The following SH3RF3 variants were observed in gnomAD, a reference collection of about 807,000 sequenced individuals.
The protein encoded by SH3RF3 is E3 ubiquitin-protein ligase SH3RF3.
SH3RF3 carries 29 observed loss-of-function variants against 66.3 expected under a neutral mutation model. The observed-to-expected ratio is 0.44, with a 90% confidence interval of 0.33 to 0.60. SH3RF3 has a LOEUF of 0.60. SH3RF3 is among the 20% of genes least tolerant of loss of function. The probability of loss-of-function intolerance (pLI) is 0.04; values close to 1 mark genes in which losing one functional copy is unlikely to be tolerated. For missense variants in SH3RF3, 1,194 were observed against 1,190.9 expected (o/e 1.00, Z -0.04); for synonymous variants, 583 against 532.0 (o/e 1.10, Z -1.32).
At chr2:109,251,264 A>G (rs1680085367) in intron 1 of SH3RF3, among the ~76,000 whole-genome samples, 1 of 152,090 alleles carries the variant, frequency 6.6e-6, no homozygotes, top group African/African-American at 2.4e-5. Flanking sequence ...CAGCCTCCCA[A>G]AGTGCTGGGA....
intron 1 of SH3RF3, among the ~76,000 whole-genome samples, chr2:109,344,530 C>T (rs1306967070): frequency 6.6e-6 from 1 of 152,206 alleles, no homozygotes; most frequent in Non-Finnish European, 1.5e-5. Flanking sequence ...GGTCATCAGG[C>T]AGACACTGAA....
intron 1 of SH3RF3, among the ~76,000 whole-genome samples, chr2:109,301,756 A>G (rs1174942832): frequency 6.6e-6 from 1 of 152,174 alleles, no homozygotes; most frequent in Non-Finnish European, 1.5e-5. Flanking sequence ...CTGGCCTTGC[A>G]CTTTCCTACC....
intron 1 of SH3RF3, among the ~76,000 whole-genome samples, chr2:109,183,362 C>A (rs1208154527): frequency 6.6e-6 from 1 of 152,144 alleles, no homozygotes; most frequent in African/African-American, 2.4e-5. Flanking sequence ...ACACAGGGAA[C>A]CAAAGAGATG....
intron 1 of SH3RF3, among the ~76,000 whole-genome samples, chr2:109,194,547 G>A (rs1467784997): frequency 6.6e-6 from 1 of 152,264 alleles, no homozygotes; most frequent in East Asian, 1.9e-4. Context: ...ACTGAAGGGC[G>A]AGGAGCACCC....
At chr2:109,437,370 C>G (rs1677434517) in intron 7 of SH3RF3, among the ~76,000 whole-genome samples, 1 of 151,132 alleles carries the variant, frequency 6.6e-6, no homozygotes, top group Admixed American at 6.6e-5. Context: ...GTAAGCACAT[C>G]TTGTCATGCT....
chr2:109,176,189 G>T lies in SH3RF3; in HGVS notation c.573+46076G>T, dbSNP rs182033236. ...GGGTAATAACCAACATACAACCAGT[G>T]GGGGAAAAGCAGACTTGTGCAATGA... On this transcript the variant is annotated intron_variant, in intron 1 of 9. Coordinates refer to ENST00000309415, the MANE Select transcript of SH3RF3 (RefSeq NM_001099289.3). 1.7e-3 allele frequency among the ~76,000 whole-genome samples: 264 copies of T among 152,248 alleles called. 1 individual carries two copies. Among genetic ancestry groups the T allele is most frequent in the African/African-American group, 6.1e-3 (253 of 41,546 alleles).
At chr2:109,212,472 TCCTGACTG>T (rs1299805179) in intron 1 of SH3RF3, among the ~76,000 whole-genome samples, 1 of 152,190 alleles carries the variant, frequency 6.6e-6, no homozygotes, top group Non-Finnish European at 1.5e-5. Flanking sequence ...TTAGCAACCA[TCCTGACTG>T]CATTGTGAGG....
intron 7 of SH3RF3, among the ~76,000 whole-genome samples, chr2:109,441,370 A>G (rs1677559258): frequency 6.6e-6 from 1 of 152,196 alleles, no homozygotes; most frequent in Non-Finnish European, 1.5e-5. Context: ...CCCAAATCAC[A>G]CTTCTAGAAA....
At position 109,314,902 on chromosome 2, in the gene SH3RF3, C is replaced by T. The variant is rs138390487; in HGVS notation, c.574-32772C>T. 7.0e-4 allele frequency among the ~76,000 whole-genome samples: 106 copies of T among 152,296 alleles called. 1 individual carries two copies. The highest frequency in any genetic ancestry group is 2.3e-3 in the African/African-American group (97 of 41,566). On this transcript the variant is annotated intron_variant, in intron 1 of 9. Transcript: ENST00000309415. ...AGAGATTGAAGCAGAGCTAAGCCCTCGCTGGTGACCAAAAGAAACTTCGTC... is the reference window on the plus strand; with the variant it reads ...AGAGATTGAAGCAGAGCTAAGCCCTTGCTGGTGACCAAAAGAAACTTCGTC...
chr2:109,133,295 A>G (rs930817226), intron 1 of SH3RF3, among the ~76,000 whole-genome samples: 1 of 152,274 alleles, frequency 6.6e-6, no homozygotes, highest in Admixed American at 6.5e-5. Flanking sequence ...ATCTTGAGGT[A>G]CAGTGGTATA....
rs34252232 is a variant in SH3RF3 at position 109,328,354 on chromosome 2, C to G, written c.574-19320C>G. On this transcript the variant is annotated intron_variant, in intron 1 of 9. Transcript: ENST00000309415. ...CACCTATTTCCTTCATGCCATTAAT[C>G]TGTTGAAGAACATAGTCCCTTTCCC... is the stretch of plus-strand genomic sequence containing the variant. Among the ~76,000 whole-genome samples, 1,275 of 152,326 alleles carry G rather than the reference C, an allele frequency of 8.4e-3. 15 individuals are homozygous for G. The highest frequency in any genetic ancestry group is 0.045 in the East Asian group (231 of 5,186).
At chr2:109,210,866 A>G (rs1678958773) in intron 1 of SH3RF3, among the ~76,000 whole-genome samples, 1 of 152,224 alleles carries the variant, frequency 6.6e-6, no homozygotes, top group Admixed American at 6.5e-5. Context: ...TAGGTGAGAA[A>G]TCTTTATTTT....
chr2:109,351,532 T>C (rs1044805263), intron 2 of SH3RF3, among the ~76,000 whole-genome samples: 1 of 152,260 alleles, frequency 6.6e-6, no homozygotes, highest in Non-Finnish European at 1.5e-5. Context: ...ACCTCTTCTC[T>C]GTAACTTTCA....
At chr2:109,412,701 C>T (rs1326451311) in intron 4 of SH3RF3, among the ~76,000 whole-genome samples, 1 of 152,244 alleles carries the variant, frequency 6.6e-6, no homozygotes, top group Non-Finnish European at 1.5e-5. Flanking sequence ...CTCTGTTATT[C>T]TTCTCATACC....
intron 8 of SH3RF3, among the ~76,000 whole-genome samples, chr2:109,466,186 G>A (rs887491327): frequency 6.8e-6 from 1 of 146,806 alleles, no homozygotes; most frequent in South Asian, 2.2e-4. Flanking sequence ...AGGTTCAAGC[G>A]ATTCTCCTGC....
rs539784567 is a variant in SH3RF3 at position 109,501,260 on chromosome 2, C to T, written c.2481-243C>T. Among the ~76,000 whole-genome samples the T allele has an allele frequency of 3.3e-5, 5 of 152,264 alleles. No homozygotes were observed. In the East Asian group the frequency reaches 9.7e-4, roughly 29 times the overall value. ...GAATCTTCAAGGGAGTGAAACAGTC[C>T]AGCTTCTTCGTAGATCAGCGTCTAA... On this transcript the variant is annotated intron_variant, in intron 9 of 9. Transcript: ENST00000309415.
intron 8 of SH3RF3, among the ~76,000 whole-genome samples, chr2:109,459,765 C>T (rs562156755): frequency 5.3e-5 from 8 of 152,318 alleles, no homozygotes; most frequent in African/African-American, 1.7e-4. Context: ...ATTCCTCCCC[C>T]TGGAACCAAG....
At chr2:109,135,292 T>TG (rs1171873924) in intron 1 of SH3RF3, among the ~76,000 whole-genome samples, 1 of 152,052 alleles carries the variant, frequency 6.6e-6, no homozygotes, top group Non-Finnish European at 1.5e-5. Flanking sequence ...CCTGAGGCGG[T>TG]GGCCTGCCAC....
chr2:109,188,052 C>T (rs1394982865), intron 1 of SH3RF3, among the ~76,000 whole-genome samples: 1 of 152,216 alleles, frequency 6.6e-6, no homozygotes. Flanking sequence ...GCTTGCAGCC[C>T]ACCCCGTGAG....
Sources: gnomAD v4.1 joint callset for allele counts (sites outside exome capture counted in the v4.1 genomes callset) on GRCh38, gnomAD v4.1.1 for gene constraint, MANE v1.5 for transcripts, NCBI Gene and HGNC (gene_info 2026-07-23, HGNC 2026-07-21) for gene names.